Variants in ITGB3 observed in about 807,000 individuals in gnomAD.
ITGB3 encodes integrin beta-3.
ITGB3 carries 48 observed loss-of-function variants against 85.8 expected under a neutral mutation model. That is an observed-to-expected ratio of 0.56 (90% CI 0.44 to 0.71). ITGB3 has a LOEUF of 0.71. ITGB3 is among the 30% of genes least tolerant of loss of function. The pLI, the probability that ITGB3 is intolerant of heterozygous loss-of-function variation, is 0.00. For missense variants in ITGB3, 861 were observed against 1,019.1 expected, an observed-to-expected ratio of 0.84 and a Z score of 2.11; for synonymous variants, 363 against 395.6, an observed-to-expected ratio of 0.92 and a Z score of 0.98.
At chr17:47,276,009 G>A (rs1347518121) in intron 2 of ITGB3, among the ~76,000 whole-genome samples, 1 of 152,102 alleles carries the variant, frequency 6.6e-6, no homozygotes, top group Admixed American at 6.5e-5. Flanking sequence ...CTTTTACCAG[G>A]AAGTTGCAAT....
At chr17:47,287,767 G>C (rs1197635376) in intron 6 of ITGB3, among the ~76,000 whole-genome samples, 1 of 152,062 alleles carries the variant, frequency 6.6e-6, no homozygotes, top group Non-Finnish European at 1.5e-5. Context: ...AAAATTCGTT[G>C]AGTGTTGTGG....
intron 14 of ITGB3, among the ~76,000 whole-genome samples, chr17:47,308,683 GT>G (rs1345816555): frequency 2.6e-5 from 4 of 152,044 alleles, no homozygotes; most frequent in Non-Finnish European, 4.4e-5. Flanking sequence ...TGTATTTTTA[GT>G]AGCGACGGGG....
intron 1 of ITGB3, among the ~76,000 whole-genome samples, chr17:47,263,554 A>G (rs971061116): frequency 2.8e-5 from 4 of 143,030 alleles, no homozygotes; most frequent in Non-Finnish European, 4.5e-5. Flanking sequence ...CAGTGGCACG[A>G]TCTTGGCTCA....
chr17:47,290,116 T>G, intron 7 of ITGB3, 69 bp from the exon 8 acceptor site: 2 of 1,143,072 alleles, frequency 1.7e-6, no homozygotes, highest in Non-Finnish European at 2.7e-6. Context: ...TCAGTGGGAT[T>G]TGGGGAGGGC....
At chr17:47,310,018 C>T (rs2065207050) in intron 14 of ITGB3, 121 bp from the exon 15 acceptor site, 1 of 786,978 alleles carries the variant, frequency 1.3e-6, no homozygotes, top group Non-Finnish European at 2.2e-6. Context: ...TATTCTGTTT[C>T]ATTGATGATG....
intron 4 of ITGB3, among the ~76,000 whole-genome samples, chr17:47,285,585 C>G (rs1185770996): frequency 6.6e-6 from 1 of 151,990 alleles, no homozygotes; most frequent in Non-Finnish European, 1.5e-5. Context: ...CCACTGCACT[C>G]CAACCTGGAC....
chr17:47,255,990 A>AATAAATAC (rs1357183142), intron 1 of ITGB3, among the ~76,000 whole-genome samples: 13 of 151,956 alleles, frequency 8.6e-5, no homozygotes, highest in Non-Finnish European at 1.3e-4. Context: ...TAAATAAATA[A>AATAAATAC]ATAAATACAT....
intron 13 of ITGB3, 105 bp from the exon 14 acceptor site, chr17:47,307,366 C>A (rs912652845): frequency 2.3e-6 from 3 of 1,281,514 alleles, no homozygotes; most frequent in South Asian, 2.5e-5. Context: ...TGTCCTATTT[C>A]CTTCAAGGAC....
intron 1 of ITGB3, among the ~76,000 whole-genome samples, chr17:47,261,721 T>C (rs990785948): frequency 1.3e-5 from 2 of 152,186 alleles, no homozygotes; most frequent in Admixed American, 1.3e-4. Context: ...GGTTTGGCCA[T>C]GTTGGCCAGG....
chr17:47,292,861 G>A (rs566744101), intron 10 of ITGB3, among the ~76,000 whole-genome samples: 20 of 152,274 alleles, frequency 1.3e-4, no homozygotes, highest in East Asian at 9.6e-4. Context: ...ACAAGAGACC[G>A]GGAAAAGAGT....
intron 1 of ITGB3, among the ~76,000 whole-genome samples, chr17:47,255,924 C>T (rs2149057858): frequency 6.6e-6 from 1 of 151,962 alleles, no homozygotes. Flanking sequence ...ATGCTGCTGG[C>T]TATTGATGCC....
chr17:47,299,185 C>A lies in ITGB3; in HGVS notation c.1691-123C>A. 1.0e-6 allele frequency: 1 copy of A among 985,094 alleles called. No homozygotes were observed. Among genetic ancestry groups the A allele is most frequent in the Non-Finnish European group, 1.6e-6 (1 of 640,386 alleles). The allele number at this position is 985,094 out of a possible 1,614,324, so 61.0% of individuals were successfully genotyped here. On this transcript the variant is annotated intron_variant, in intron 10 of 14. Coordinates refer to ENST00000559488, the MANE Select transcript of ITGB3 (RefSeq NM_000212.3). The surrounding 1 kb of genome is among the most constrained non-coding windows in gnomAD (Gnocchi z 5.1). Reference sequence around the variant, plus strand: ...GACTCCCCTGGGTGGTGAGCCAATTCCCTGCCAACCTGGAGGATCATTATC... The same window carrying A: ...GACTCCCCTGGGTGGTGAGCCAATTACCTGCCAACCTGGAGGATCATTATC...
At chr17:47,265,540 C>T (rs995365214) in intron 1 of ITGB3, among the ~76,000 whole-genome samples, 9 of 152,206 alleles carry the variant, frequency 5.9e-5, no homozygotes, top group South Asian at 2.1e-4. Context: ...TCTCTCTCTT[C>T]GTGTGGTGTT....
At chr17:47,256,995 G>A (rs150367920) in intron 1 of ITGB3, among the ~76,000 whole-genome samples, 2,517 of 152,266 alleles carry the variant, frequency 0.017, 62 homozygotes, top group Admixed American at 0.076. Context: ...TCTCCTGTAG[G>A]CTGTGTGGCC....
At chr17:47,254,657 G>T (rs1405542000) in intron 1 of ITGB3, among the ~76,000 whole-genome samples, 1 of 152,130 alleles carries the variant, frequency 6.6e-6, no homozygotes, top group Non-Finnish European at 1.5e-5. Context: ...CCCTTGGGCC[G>T]GTGGGATCCT....
chr17:47,261,598 C>T (rs1391770561), intron 1 of ITGB3, among the ~76,000 whole-genome samples: 2 of 149,874 alleles, frequency 1.3e-5, no homozygotes, highest in African/African-American at 2.5e-5. Context: ...CAGCTCACTG[C>T]AACCTCCGCC....
At chr17:47,296,870 T>C (rs1265205381) in intron 10 of ITGB3, among the ~76,000 whole-genome samples, 2 of 152,162 alleles carry the variant, frequency 1.3e-5, no homozygotes, top group Non-Finnish European at 2.9e-5. Context: ...GGGAGATGAC[T>C]TACTTATCTA....
chr17:47,281,886 C>A (rs1390956416), intron 2 of ITGB3, among the ~76,000 whole-genome samples: 1 of 152,164 alleles, frequency 6.6e-6, no homozygotes, highest in Non-Finnish European at 1.5e-5. Flanking sequence ...ACCATAATTA[C>A]TATTATTTTA....
intron 9 of ITGB3, 74 bp downstream of exon 9, chr17:47,291,162 G>T: frequency 3.8e-6 from 6 of 1,568,984 alleles, no homozygotes; most frequent in Non-Finnish European, 4.4e-6. Flanking sequence ...CTTTTGTAGT[G>T]ACTAAAAATG....
Sources: gnomAD v4.1 joint callset for allele counts (sites outside exome capture counted in the v4.1 genomes callset) on GRCh38, gnomAD v4.1.1 for gene constraint, Gnocchi (gnomAD v3.1) non-coding constraint, MANE v1.5 for transcripts, NCBI Gene and HGNC (gene_info 2026-07-23, HGNC 2026-07-21) for gene names.